CNTNAP3B: variants seen among roughly 807,000 people sequenced by gnomAD.
CNTNAP3B encodes contactin associated protein family member 3B.
A neutral mutation model predicts 108.9 loss-of-function variants in CNTNAP3B; 25 were observed. That is an observed-to-expected ratio of 0.23 (90% CI 0.17 to 0.32). The LOEUF (loss-of-function observed/expected upper bound fraction) is 0.32, where lower values mean the gene tolerates loss of function less well. Ranked by LOEUF, CNTNAP3B falls within the 10% of genes least tolerant of loss-of-function variation. The pLI is 1.00. For missense variants in CNTNAP3B, 252 were observed against 1,210.4 expected (o/e 0.21, Z 11.75); for synonymous variants, 103 against 473.4 (o/e 0.22, Z 10.16).
chr9:41,963,217 T>A (rs1825160725), intron 11 of CNTNAP3B, among the ~76,000 whole-genome samples: 1 of 152,278 alleles, frequency 6.6e-6, no homozygotes, highest in Non-Finnish European at 1.5e-5. Context: ...CATGGAAGAG[T>A]TCTTAAAAGT....
chr9:41,913,609 CT>C (rs1457189323), intron 18 of CNTNAP3B, among the ~76,000 whole-genome samples: 2 of 140,814 alleles, frequency 1.4e-5, no homozygotes, highest in Non-Finnish European at 1.5e-5. Context: ...ATTATCACCT[CT>C]TTTGATATCC....
chr9:41,932,593 C>A (rs1824012425), intron 14 of CNTNAP3B, among the ~76,000 whole-genome samples: 1 of 151,798 alleles, frequency 6.6e-6, no homozygotes, highest in South Asian at 2.1e-4. Flanking sequence ...GATCTCTGCT[C>A]ACTGCAACCT....
chr9:41,952,310 C>T (rs756250866), intron 13 of CNTNAP3B, among the ~76,000 whole-genome samples: 3,373 of 151,718 alleles, frequency 0.022, 15 homozygotes, highest in South Asian at 0.035. Context: ...TGTTGCTCTG[C>T]TGCCCAAGCT....
chr9:42,121,032 C>A (rs1828450071), intron 1 of CNTNAP3B, among the ~76,000 whole-genome samples: 1 of 138,810 alleles, frequency 7.2e-6, no homozygotes, highest in Non-Finnish European at 1.5e-5. Flanking sequence ...TGTCTCTTGG[C>A]CTCTGCGATG....
intron 14 of CNTNAP3B, among the ~76,000 whole-genome samples, chr9:41,935,988 T>C (rs2118042417): frequency 6.6e-6 from 1 of 152,382 alleles, no homozygotes; most frequent in East Asian, 1.9e-4. Flanking sequence ...CTCCAAGTGA[T>C]ACGTTCCTCT....
chr9:41,919,069 G>A (rs1391379950), intron 18 of CNTNAP3B, among the ~76,000 whole-genome samples: 4 of 152,278 alleles, frequency 2.6e-5, no homozygotes, highest in African/African-American at 7.2e-5. Context: ...TTTCATAAAA[G>A]TATTATAAAT....
At chr9:41,942,502 T>C (rs1393210015) in intron 13 of CNTNAP3B, among the ~76,000 whole-genome samples, 2 of 151,242 alleles carry the variant, frequency 1.3e-5, no homozygotes, top group African/African-American at 4.9e-5. Flanking sequence ...TCCCAGCTAC[T>C]GGGGAGGCTG....
At chr9:42,018,774 G>C (rs1476474185) in intron 3 of CNTNAP3B, among the ~76,000 whole-genome samples, 1 of 151,846 alleles carries the variant, frequency 6.6e-6, no homozygotes, top group Non-Finnish European at 1.5e-5. Flanking sequence ...CTGAGGCCAA[G>C]TCCCAACATA....
At chr9:41,959,360 G>T (rs1185932259) in intron 12 of CNTNAP3B, among the ~76,000 whole-genome samples, 1 of 152,250 alleles carries the variant, frequency 6.6e-6, no homozygotes, top group Non-Finnish European at 1.5e-5. Flanking sequence ...GAGCAATGCG[G>T]CATCTAAAGA....
intron 11 of CNTNAP3B, among the ~76,000 whole-genome samples, chr9:41,961,307 C>G (rs570201316): frequency 6.6e-6 from 1 of 152,224 alleles, no homozygotes; most frequent in Non-Finnish European, 1.5e-5. Flanking sequence ...TAAATGTTTT[C>G]TTTTGCTTTT....
At position 41,982,082 on chromosome 9, in the gene CNTNAP3B, A is replaced by AT. The variant is rs1439746564; in HGVS notation, c.1477+4085_1477+4086insA. 2.5e-4 allele frequency among the ~76,000 whole-genome samples: 28 copies of AT among 113,948 alleles called. 1 individual carries two copies. Among genetic ancestry groups the AT allele is most frequent in the African/African-American group, 9.9e-4 (27 of 27,186 alleles). 74.8% of individuals were successfully genotyped at this position (113,948 alleles called of 152,430 possible). On this transcript the variant is annotated intron_variant, in intron 9 of 23. Coordinates refer to ENST00000377561, the MANE Select transcript of CNTNAP3B (RefSeq NM_001201380.3). ...AAGTCTCAAAAAAAAAAAAAAAAAAAAGTAAAGCCTATAACTACAAAAATC... is the reference window on the plus strand; with the variant it reads ...AAGTCTCAAAAAAAAAAAAAAAAAAATAGTAAAGCCTATAACTACAAAAATC...
intron 15 of CNTNAP3B, among the ~76,000 whole-genome samples, chr9:41,928,566 G>A (rs974094338): frequency 1.0e-3 from 153 of 152,350 alleles, no homozygotes; most frequent in African/African-American, 3.3e-3. Flanking sequence ...TGGCACACTC[G>A]GCAAGAATGT....
chr9:42,019,893 C>A (rs1826279262), intron 3 of CNTNAP3B, among the ~76,000 whole-genome samples: 1 of 131,202 alleles, frequency 7.6e-6, no homozygotes, highest in Non-Finnish European at 1.6e-5. Flanking sequence ...TAATCAATGA[C>A]AGCAAGAGTA....
At chr9:41,928,458 A>C (rs1293971961) in intron 15 of CNTNAP3B, among the ~76,000 whole-genome samples, 1 of 151,766 alleles carries the variant, frequency 6.6e-6, no homozygotes, top group African/African-American at 2.4e-5. Context: ...GTGAGTACAC[A>C]TCGATAGTGA....
At chr9:41,963,318 G>C (rs1428520858) in intron 11 of CNTNAP3B, among the ~76,000 whole-genome samples, 8 of 152,238 alleles carry the variant, frequency 5.3e-5, no homozygotes, top group Middle Eastern at 3.4e-3. Context: ...ATATTCCTGA[G>C]GAGAAGTTGC....
chr9:41,968,582 G>C (rs1245140732), intron 10 of CNTNAP3B, among the ~76,000 whole-genome samples: 1 of 143,286 alleles, frequency 7.0e-6, no homozygotes, highest in Non-Finnish European at 1.5e-5. Flanking sequence ...GTTCACAGGG[G>C]GAAATTATTC....
intron 4 of CNTNAP3B, among the ~76,000 whole-genome samples, chr9:42,012,229 T>C (rs1330474701): frequency 8.3e-6 from 1 of 120,274 alleles, no homozygotes; most frequent in Non-Finnish European, 1.7e-5. Flanking sequence ...AGAGAAATTC[T>C]AAATATCAGA....
At chr9:41,928,201 A>C (rs1362098049) in intron 15 of CNTNAP3B, among the ~76,000 whole-genome samples, 2 of 152,264 alleles carry the variant, frequency 1.3e-5, no homozygotes, top group Non-Finnish European at 2.9e-5. Flanking sequence ...GCTGATAGAA[A>C]ACACAAAATT....
chr9:41,944,939 T>C (rs1824479921), intron 13 of CNTNAP3B, among the ~76,000 whole-genome samples: 2 of 151,892 alleles, frequency 1.3e-5, no homozygotes, highest in African/African-American at 4.8e-5. Flanking sequence ...ATCAACCTCA[T>C]CAAAAAGTGG....
Sources: gnomAD v4.1 joint callset for allele counts (sites outside exome capture counted in the v4.1 genomes callset) on GRCh38, gnomAD v4.1.1 for gene constraint, MANE v1.5 for transcripts, NCBI Gene and HGNC (gene_info 2026-07-23, HGNC 2026-07-21) for gene names.